Variants in NCOR1 observed in about 807,000 individuals in gnomAD.
NCOR1 encodes nuclear receptor corepressor 1.
NCOR1 carries 63 observed loss-of-function variants against 288.1 expected under a neutral mutation model. The observed-to-expected ratio is 0.22, with a 90% CI of 0.18 to 0.27. The LOEUF (loss-of-function observed/expected upper bound fraction) is 0.27, where lower values mean the gene tolerates loss of function less well. NCOR1 is among the 10% of genes least tolerant of loss of function. The pLI is 1.00. For missense variants in NCOR1, 2,397 were observed against 3,019.2 expected (o/e 0.79, Z 4.83); for synonymous variants, 1,007 against 1,065.9 (o/e 0.94, Z 1.08).
At chr17:16,113,343 C>T (rs1372541792) in intron 18 of NCOR1, among the ~76,000 whole-genome samples, 1 of 151,692 alleles carries the variant, frequency 6.6e-6, no homozygotes. Context: ...CAGCACAATT[C>T]TCAAGGTGCT....
At chr17:16,052,831 T>C (rs915654922) in intron 40 of NCOR1, among the ~76,000 whole-genome samples, 1 of 152,164 alleles carries the variant, frequency 6.6e-6, no homozygotes, top group African/African-American at 2.4e-5. Context: ...TTGATGAACA[T>C]GAATGCAAAA....
At chr17:16,067,802 AATTGTACTAT>A in intron 32 of NCOR1, 82 bp downstream of exon 32, 1 of 1,187,390 alleles carries the variant, frequency 8.4e-7, no homozygotes, top group Non-Finnish European at 1.2e-6. Context: ...TGATATTTGC[AATTGTACTAT>A]ATTGTACAAC....
intron 31 of NCOR1, 97 bp from the exon 32 acceptor site, chr17:16,068,218 T>A: frequency 1.0e-6 from 1 of 979,754 alleles, no homozygotes; most frequent in South Asian, 1.5e-5. Context: ...ACTATATTCA[T>A]GTATTTGGAT....
intron 3 of NCOR1, among the ~76,000 whole-genome samples, chr17:16,175,262 G>A (rs1011287194): frequency 6.6e-6 from 1 of 151,968 alleles, no homozygotes; most frequent in Non-Finnish European, 1.5e-5. Context: ...CAGCTACTCG[G>A]GAAACTGAGG....
chr17:16,184,516 T>C (rs2086198503), intron 3 of NCOR1, among the ~76,000 whole-genome samples: 1 of 152,130 alleles, frequency 6.6e-6, no homozygotes, highest in Admixed American at 6.5e-5. Context: ...CTATGAGATA[T>C]TCTCACACCC....
chr17:16,054,037 A>T (rs1051284546), intron 40 of NCOR1, among the ~76,000 whole-genome samples: 5 of 150,876 alleles, frequency 3.3e-5, no homozygotes, highest in Admixed American at 6.6e-5. Flanking sequence ...TATATATATA[A>T]AATTAACTCA....
intron 41 of NCOR1, among the ~76,000 whole-genome samples, chr17:16,048,040 G>A (rs1246325244): frequency 6.6e-6 from 1 of 152,208 alleles, no homozygotes; most frequent in Non-Finnish European, 1.5e-5. Context: ...TAAATTAATA[G>A]CAACACTTTG....
At chr17:16,189,831 T>C (rs549289716) in intron 2 of NCOR1, among the ~76,000 whole-genome samples, 85 of 152,298 alleles carry the variant, frequency 5.6e-4, no homozygotes, top group Middle Eastern at 3.4e-3. Context: ...AGAAGGATCA[T>C]AATAAAAGCA....
chr17:16,066,968 G>T (rs980771776), intron 32 of NCOR1, among the ~76,000 whole-genome samples: 6 of 152,206 alleles, frequency 3.9e-5, no homozygotes, highest in African/African-American at 7.2e-5. Context: ...GGCCAGAGAA[G>T]AGGTCTCAGC....
rs1349347132 is a variant in NCOR1 at position 16,046,859 on chromosome 17, C to A, written c.6679+92G>T. On this transcript the variant is annotated intron_variant, in intron 42 of 45. Coordinates refer to ENST00000268712, the MANE Select transcript of NCOR1 (RefSeq NM_006311.4). ...GTTGGACAGATGTCCTGTAAAGAGC[C>A]TTCAAACTCAAGCATTACAGGAGAG... The A allele has an allele frequency of 7.6e-6, 11 of 1,441,314 alleles. No individual in the cohort carries two copies. The South Asian group carries it at 1.4e-4, about 19-fold the overall frequency. 89.3% of individuals were successfully genotyped at this position (1,441,314 alleles called of 1,614,324 possible).
intron 42 of NCOR1, among the ~76,000 whole-genome samples, chr17:16,046,656 G>A (rs1396302962): frequency 6.6e-6 from 1 of 152,170 alleles, no homozygotes. Flanking sequence ...ATGGGTAGGG[G>A]AGAAAGAAAA....
At chr17:16,213,804 ATAGT>A (rs1348908738) in intron 1 of NCOR1, among the ~76,000 whole-genome samples, 4 of 152,248 alleles carry the variant, frequency 2.6e-5, no homozygotes, top group Admixed American at 6.5e-5. Flanking sequence ...CCAAAATCAC[ATAGT>A]TAGAGCAAGA....
intron 2 of NCOR1, among the ~76,000 whole-genome samples, chr17:16,190,267 A>G (rs970344327): frequency 6.6e-6 from 1 of 152,158 alleles, no homozygotes; most frequent in African/African-American, 2.4e-5. Context: ...CCATCACTGA[A>G]GTTTTAAGGC....
At chr17:16,071,267 A>G in intron 30 of NCOR1, 142 bp downstream of exon 30, 16 of 1,045,676 alleles carry the variant, frequency 1.5e-5, no homozygotes, top group African/African-American at 1.3e-4. Flanking sequence ...CCACAGAGGA[A>G]AAAAAAAAAA....
intron 7 of NCOR1, 47 bp from the exon 8 acceptor site, chr17:16,152,045 C>A: frequency 8.0e-7 from 1 of 1,256,366 alleles, no homozygotes; most frequent in South Asian, 1.4e-5. Context: ...GTACATATGT[C>A]TATGAAGAGA....
At chr17:16,111,307 C>T (rs1023922499) in intron 18 of NCOR1, among the ~76,000 whole-genome samples, 2 of 152,112 alleles carry the variant, frequency 1.3e-5, no homozygotes, top group Non-Finnish European at 2.9e-5. Flanking sequence ...ACAGGCCAGG[C>T]GCAGTGGCTC....
At chr17:16,147,844 G>A (rs1032320968) in intron 9 of NCOR1, among the ~76,000 whole-genome samples, 22 of 151,858 alleles carry the variant, frequency 1.4e-4, no homozygotes, top group Non-Finnish European at 2.2e-4. Flanking sequence ...TTGGAACCAA[G>A]TTTCACTCTT....
At chr17:16,143,264 C>T (rs2077403036) in intron 11 of NCOR1, among the ~76,000 whole-genome samples, 1 of 152,206 alleles carries the variant, frequency 6.6e-6, no homozygotes, top group African/African-American at 2.4e-5. Flanking sequence ...TTTCTCATCT[C>T]CCACATCCCA....
intron 23 of NCOR1, among the ~76,000 whole-genome samples, chr17:16,081,845 A>G (rs1208189139): frequency 1.3e-5 from 2 of 152,232 alleles, no homozygotes; most frequent in South Asian, 4.1e-4. Context: ...ACTCCAACAT[A>G]TTCCCTAGAA....
Sources: gnomAD v4.1 joint callset for allele counts (sites outside exome capture counted in the v4.1 genomes callset) on GRCh38, gnomAD v4.1.1 for gene constraint, MANE v1.5 for transcripts, NCBI Gene and HGNC (gene_info 2026-07-23, HGNC 2026-07-21) for gene names.